The following ARHGEF18 variants were observed in gnomAD, a reference collection of about 807,000 sequenced individuals.
The protein encoded by ARHGEF18 is rho guanine nucleotide exchange factor 18.
ARHGEF18 carries 93 observed loss-of-function variants against 155.7 expected under a neutral mutation model. The observed-to-expected ratio is 0.60, with a 90% CI of 0.50 to 0.71. ARHGEF18 has a LOEUF of 0.71. Ranked by LOEUF, ARHGEF18 falls within the 30% of genes least tolerant of loss-of-function variation. The probability of loss-of-function intolerance (pLI) is 0.00; values close to 1 mark genes in which losing one functional copy is unlikely to be tolerated. For synonymous variants in ARHGEF18, 742 were observed against 753.1 expected (o/e 0.99, Z 0.24); for missense variants, 1,593 against 1,816.1 (o/e 0.88, Z 2.23).
At chr19:7,377,604 C>T (rs575796644) in intron 5 of ARHGEF18, among the ~76,000 whole-genome samples, 93 of 151,462 alleles carry the variant, frequency 6.1e-4, no homozygotes, top group African/African-American at 1.7e-3. Flanking sequence ...GGCAACATGG[C>T]GAAACCTTGT....
At chr19:7,412,121 T>C (rs1046998309) in intron 10 of ARHGEF18, among the ~76,000 whole-genome samples, 44 of 151,594 alleles carry the variant, frequency 2.9e-4, no homozygotes, top group Non-Finnish European at 8.8e-5. Flanking sequence ...CTGCAACCTC[T>C]GCCTCCCGGG....
chr19:7,426,771 T>G (rs1046112181), intron 10 of ARHGEF18, among the ~76,000 whole-genome samples: 1 of 152,192 alleles, frequency 6.6e-6, no homozygotes, highest in African/African-American at 2.4e-5. Context: ...GCAGCAAGTG[T>G]GTTTTGTACT....
intron 10 of ARHGEF18, among the ~76,000 whole-genome samples, chr19:7,437,719 C>T (rs925037016): frequency 1.1e-4 from 17 of 150,914 alleles, no homozygotes; most frequent in Non-Finnish European, 2.4e-4. Context: ...TGTCAGCTCA[C>T]GGCAACCTCT....
chr19:7,385,864 T>C (rs867039835), intron 10 of ARHGEF18, among the ~76,000 whole-genome samples: 15 of 92,060 alleles, frequency 1.6e-4, no homozygotes, highest in African/African-American at 4.5e-4. Flanking sequence ...TCTCTCTCTC[T>C]CTCTCTCCCC....
At chr19:7,455,428 G>A (rs565214877) in intron 17 of ARHGEF18, among the ~76,000 whole-genome samples, 37 of 152,326 alleles carry the variant, frequency 2.4e-4, no homozygotes, top group African/African-American at 6.7e-4. Context: ...CAAAAGTGGC[G>A]TTGCCCTTGA....
At chr19:7,433,863 T>C (rs1313027852) in intron 10 of ARHGEF18, among the ~76,000 whole-genome samples, 1 of 151,304 alleles carries the variant, frequency 6.6e-6, no homozygotes, top group Non-Finnish European at 1.5e-5. Flanking sequence ...CTACTAAAAA[T>C]ACAAAAATAG....
chr19:7,396,449 G>A (rs927375746), intron 10 of ARHGEF18, among the ~76,000 whole-genome samples: 2 of 152,134 alleles, frequency 1.3e-5, no homozygotes, highest in African/African-American at 4.8e-5. Context: ...TGGGCGCGGT[G>A]GCTCAAGCCT....
At chr19:7,478,760 C>T in the ARHGEF18 span, among the ~76,000 whole-genome samples, 1 of 152,236 alleles carries the variant, frequency 6.6e-6, no homozygotes. Context: ...ACGCCGTTTC[C>T]CCTCCGGGCC....
intron 10 of ARHGEF18, among the ~76,000 whole-genome samples, chr19:7,418,005 A>C (rs1973118226): frequency 6.6e-6 from 1 of 152,164 alleles, no homozygotes; most frequent in African/African-American, 2.4e-5. Context: ...TAGTTTGCCG[A>C]CCATTCTTGC....
At chr19:7,386,381 A>T (rs1971076129) in intron 10 of ARHGEF18, among the ~76,000 whole-genome samples, 1 of 152,034 alleles carries the variant, frequency 6.6e-6, no homozygotes, top group Middle Eastern at 3.4e-3. Flanking sequence ...AAAAGCATCC[A>T]TCGTCTTCAC....
At chr19:7,394,609 C>CCCCCCAACCCCGCTGTCCTCCCTTGGGGT (rs1332772585) in intron 10 of ARHGEF18, among the ~76,000 whole-genome samples, 1 of 151,116 alleles carries the variant, frequency 6.6e-6, no homozygotes, top group Admixed American at 6.6e-5. Flanking sequence ...CCCTCGGGGT[C>CCCCCCAACCCCGCTGTCCTCCCTTGGGGT]CCCCCAACCC....
At chr19:7,409,169 C>T (rs1017427988) in intron 10 of ARHGEF18, among the ~76,000 whole-genome samples, 1 of 147,770 alleles carries the variant, frequency 6.8e-6, no homozygotes, top group Non-Finnish European at 1.5e-5. Context: ...ATGCCATTCT[C>T]CTACCTCAGC....
intron 2 of ARHGEF18, among the ~76,000 whole-genome samples, chr19:7,367,761 A>ATATATATATATATACACATATATATATTT (rs1568269899): frequency 1.1e-4 from 3 of 27,778 alleles, no homozygotes; most frequent in Admixed American, 3.8e-4. Flanking sequence ...AAAAAAAAAT[A>ATATATATATATATACACATATATATATTT]TATATATATA....
chr19:7,397,040 C>T (rs1364247856), intron 10 of ARHGEF18, among the ~76,000 whole-genome samples: 1 of 136,932 alleles, frequency 7.3e-6, no homozygotes, highest in Non-Finnish European at 1.5e-5. Flanking sequence ...TGGACCGAGT[C>T]AGGGTTTACG....
At chr19:7,359,616 G>A (rs1176917986) in intron 1 of ARHGEF18, among the ~76,000 whole-genome samples, 1 of 152,036 alleles carries the variant, frequency 6.6e-6, no homozygotes, top group Non-Finnish European at 1.5e-5. Flanking sequence ...ACTAGGAGGG[G>A]GGTTCATTCT....
intron 23 of ARHGEF18, 51 bp downstream of exon 23, chr19:7,464,741 A>G: frequency 6.2e-7 from 1 of 1,601,818 alleles, no homozygotes; most frequent in Non-Finnish European, 8.5e-7. Context: ...ATAAGGATTC[A>G]TGTGTGTGAG....
intron 17 of ARHGEF18, among the ~76,000 whole-genome samples, chr19:7,454,757 C>G (rs1349680901): frequency 6.6e-6 from 1 of 152,106 alleles, no homozygotes; most frequent in Non-Finnish European, 1.5e-5. Context: ...GTTGACTTCC[C>G]AATGGAAACC....
At chr19:7,425,638 C>T (rs2878344) in intron 10 of ARHGEF18, among the ~76,000 whole-genome samples, 1,946 of 149,126 alleles carry the variant, frequency 0.013, 17 homozygotes, top group Non-Finnish European at 0.019. Context: ...GCTGAGATAG[C>T]GCCACTGCAC....
rs1270132905 is a variant in ARHGEF18, at chr19:7,467,234, C to T, written c.3030C>T (p.Asp1010=). The change falls in exon 26 of 29, where the codon GAC becomes GAT. Residue 1010 remains aspartate, a synonymous_variant. Transcript: ENST00000668164. ...CGCAGGCGGTAATCGCCCACCAGGA[C>T]AGCTATGTGGAGACGCAGCGGGCTG... ...LNLQAVIAHQ[D]SYVETQRAAI... 17 of 1,588,016 alleles carry T rather than the reference C, an allele frequency of 1.1e-5. No individual in the cohort carries two copies. The highest frequency in any genetic ancestry group is 1.5e-5 in the Non-Finnish European group (17 of 1,165,896).
Sources: gnomAD v4.1 joint callset for allele counts (sites outside exome capture counted in the v4.1 genomes callset) on GRCh38, gnomAD v4.1.1 for gene constraint, MANE v1.5 for transcripts, NCBI Gene and HGNC (gene_info 2026-07-23, HGNC 2026-07-21) for gene names.